TENM2: variants seen among roughly 807,000 people sequenced by gnomAD.
TENM2 encodes the protein teneurin transmembrane protein 2.
In TENM2, 52 loss-of-function variants were observed where a neutral mutation model predicts 245.2. The ratio of observed to expected loss-of-function variants is 0.21; its 90% CI spans 0.17 to 0.27. TENM2 has a LOEUF of 0.27. TENM2 is among the 10% of genes least tolerant of loss of function. TENM2 has a pLI of 1.00. For synonymous variants in TENM2, 1,363 were observed against 1,438.9 expected (o/e 0.95, Z 1.19); for missense variants, 3,046 against 3,666.8 (o/e 0.83, Z 4.37).
chr5:167,834,948 C>T (rs974115593), intron 2 of TENM2, among the ~76,000 whole-genome samples: 1 of 152,172 alleles, frequency 6.6e-6, no homozygotes, highest in African/African-American at 2.4e-5. Context: ...CTGCGCCCGG[C>T]CTTTGTGTCT....
intron 2 of TENM2, among the ~76,000 whole-genome samples, chr5:167,837,994 T>G (rs1769161124): frequency 6.6e-6 from 1 of 152,214 alleles, no homozygotes. Context: ...AATCCCTTTG[T>G]GCATCCCCAC....
At chr5:167,264,684 C>T in the TENM2 span, among the ~76,000 whole-genome samples, 1 of 152,184 alleles carries the variant, frequency 6.6e-6, no homozygotes, top group South Asian at 2.1e-4. Flanking sequence ...TATGCGTCCG[C>T]TGCCTATGTG....
At chr5:167,759,884 T>G (rs1363451434) in intron 2 of TENM2, among the ~76,000 whole-genome samples, 2 of 128,568 alleles carry the variant, frequency 1.6e-5, no homozygotes, top group Non-Finnish European at 3.3e-5. Flanking sequence ...AGCTCCGAAG[T>G]GTGAAATAAG....
At chr5:167,469,514 C>G (rs1766875477) in intron 2 of TENM2, among the ~76,000 whole-genome samples, 1 of 152,032 alleles carries the variant, frequency 6.6e-6, no homozygotes, top group Non-Finnish European at 1.5e-5. Context: ...CCGACATTTT[C>G]TAGAATATTT....
At chr5:167,720,203 A>G (rs1014342549) in intron 2 of TENM2, among the ~76,000 whole-genome samples, 1 of 152,222 alleles carries the variant, frequency 6.6e-6, no homozygotes, top group African/African-American at 2.4e-5. Context: ...TTTCATATTA[A>G]TTAGTTTTTG....
chr5:167,890,556 A>T (rs1229831920), intron 3 of TENM2, among the ~76,000 whole-genome samples: 1 of 152,080 alleles, frequency 6.6e-6, no homozygotes, highest in Non-Finnish European at 1.5e-5. Context: ...AATGTTGAAA[A>T]ACCAAGAGAC....
the TENM2 span, among the ~76,000 whole-genome samples, chr5:167,236,268 A>G: frequency 6.6e-6 from 1 of 152,126 alleles, no homozygotes; most frequent in Admixed American, 6.6e-5. Flanking sequence ...GGACTCATAC[A>G]TGTCTCTGTG....
chr5:167,031,123 T>A, the TENM2 span, among the ~76,000 whole-genome samples: 1 of 152,160 alleles, frequency 6.6e-6, no homozygotes, highest in South Asian at 2.1e-4. Flanking sequence ...AACTTCCCTT[T>A]AAATGTGGGA....
At chr5:167,163,537 A>G in the TENM2 span, among the ~76,000 whole-genome samples, 1 of 152,134 alleles carries the variant, frequency 6.6e-6, no homozygotes, top group Non-Finnish European at 1.5e-5. Flanking sequence ...ATTTATCTGG[A>G]CTTTGTTTAT....
chr5:168,025,171 A>C (rs1454503808), intron 5 of TENM2, among the ~76,000 whole-genome samples: 1 of 152,186 alleles, frequency 6.6e-6, no homozygotes, highest in East Asian at 1.9e-4. Context: ...ATGGTCTTCA[A>C]AAAAAATGTA....
rs1416291783 is a variant in TENM2 at position 168,023,511 on chromosome 5, CG to C, written c.1187-23912del. On this transcript the variant is annotated intron_variant, in intron 5 of 28. Transcript: ENST00000518659. ...GGCTCCTCTCACTGGCCTGCCCAGG[CG>C]GGGATGCGGGGCCTGCCTCAGTCAT... is the stretch of plus-strand genomic sequence containing the variant. Among the ~76,000 whole-genome samples, 9 of 152,216 alleles carry C rather than the reference CG, an allele frequency of 5.9e-5. No individual in the cohort carries two copies. The East Asian group carries it at 1.6e-3, about 26-fold the overall frequency.
intron 3 of TENM2, among the ~76,000 whole-genome samples, chr5:167,949,854 C>A (rs532744029): frequency 4.7e-4 from 72 of 152,246 alleles, no homozygotes; most frequent in African/African-American, 1.7e-3. Context: ...TCCTGCACCT[C>A]GTTGGGAAAT....
intron 2 of TENM2, among the ~76,000 whole-genome samples, chr5:167,758,910 A>T (rs186279113): frequency 7.1e-4 from 108 of 152,096 alleles, no homozygotes; most frequent in African/African-American, 2.3e-3. Context: ...TAGCCCAGCT[A>T]GTTCTCTGTC....
chr5:167,949,937 G>A (rs549225942), intron 3 of TENM2, among the ~76,000 whole-genome samples: 1 of 152,288 alleles, frequency 6.6e-6, no homozygotes, highest in South Asian at 2.1e-4. Flanking sequence ...CAGTTAGGAG[G>A]AGAATGTCTT....
intron 2 of TENM2, among the ~76,000 whole-genome samples, chr5:167,517,451 GA>G (rs1214883948): frequency 2.0e-5 from 3 of 152,154 alleles, no homozygotes; most frequent in Non-Finnish European, 2.9e-5. Flanking sequence ...GATGGTCTCA[GA>G]AGGGTGAAAT....
rs534441773 is a variant in TENM2, at chr5:167,786,891, A to G, written c.503-89095A>G. 3.9e-5 allele frequency among the ~76,000 whole-genome samples: 6 copies of G among 152,332 alleles called. No homozygotes were observed. In the South Asian group the frequency reaches 1.2e-3, roughly 32 times the overall value. On this transcript the variant is annotated intron_variant, in intron 2 of 28. Transcript: ENST00000518659. ...ATACAACTTTCTATGACTCAAATGCAAAAAGTTAACCCGTTATAGAATTCT... is the reference window on the plus strand; with the variant it reads ...ATACAACTTTCTATGACTCAAATGCGAAAAGTTAACCCGTTATAGAATTCT...
At chr5:167,648,414 G>T (rs1780108539) in intron 2 of TENM2, among the ~76,000 whole-genome samples, 1 of 152,136 alleles carries the variant, frequency 6.6e-6, no homozygotes, top group Non-Finnish European at 1.5e-5. Context: ...TATATGTCAG[G>T]CACTGCTCAG....
At chr5:167,128,553 T>TAA in the TENM2 span, among the ~76,000 whole-genome samples, 660 of 132,128 alleles carry the variant, frequency 5.0e-3, 6 homozygotes, top group African/African-American at 0.019. Context: ...AGACTTTCAT[T>TAA]AAAAAAAAAA....
chr5:167,366,246 T>A (rs1374752320), intron 1 of TENM2, among the ~76,000 whole-genome samples: 3 of 152,120 alleles, frequency 2.0e-5, no homozygotes, highest in African/African-American at 7.2e-5. Flanking sequence ...GATAACCTAT[T>A]GTATTTATGT....
Sources: gnomAD v4.1 joint callset for allele counts (sites outside exome capture counted in the v4.1 genomes callset) on GRCh38, gnomAD v4.1.1 for gene constraint, MANE v1.5 for transcripts, NCBI Gene and HGNC (gene_info 2026-07-23, HGNC 2026-07-21) for gene names.